The following MEIKIN variants were observed in gnomAD, a reference collection of about 807,000 sequenced individuals.
MEIKIN encodes meiosis-specific kinetochore protein.
chr5:131,825,189 G>A (rs1749591257), intron 11 of MEIKIN, among the ~76,000 whole-genome samples: 2 of 152,232 alleles, frequency 1.3e-5, no homozygotes, highest in East Asian at 3.9e-4. Context: ...GACAGAGTGA[G>A]ACCCTGTCTT....
At chr5:131,935,576 G>A (rs1298836931) in intron 4 of MEIKIN, among the ~76,000 whole-genome samples, 1 of 152,068 alleles carries the variant, frequency 6.6e-6, no homozygotes, top group East Asian at 1.9e-4. Context: ...TGACAAGATA[G>A]AGATCAACAC....
At chr5:131,941,514 C>T (rs1463948902) in intron 4 of MEIKIN, among the ~76,000 whole-genome samples, 1 of 152,108 alleles carries the variant, frequency 6.6e-6, no homozygotes, top group East Asian at 1.9e-4. Context: ...TAGAGTATTT[C>T]CAGGCTACTT....
chr5:131,922,248 T>C (rs1380942197), intron 5 of MEIKIN, among the ~76,000 whole-genome samples: 1 of 152,190 alleles, frequency 6.6e-6, no homozygotes, highest in Non-Finnish European at 1.5e-5. Context: ...CTATGTGCCA[T>C]TAAAAATCGC....
chr5:131,822,764 T>G (rs999312692), intron 11 of MEIKIN, among the ~76,000 whole-genome samples: 16 of 152,198 alleles, frequency 1.1e-4, no homozygotes, highest in Admixed American at 9.2e-4. Flanking sequence ...TGCTTACAGT[T>G]ACCAGTGAGT....
At chr5:131,872,305 G>T (rs1045557841) in intron 9 of MEIKIN, among the ~76,000 whole-genome samples, 1 of 152,188 alleles carries the variant, frequency 6.6e-6, no homozygotes, top group Admixed American at 6.5e-5. Context: ...GTCCTTAAAA[G>T]ACCTGATGGA....
intron 8 of MEIKIN, among the ~76,000 whole-genome samples, chr5:131,904,641 G>T (rs572910655): frequency 6.6e-6 from 1 of 152,220 alleles, no homozygotes; most frequent in African/African-American, 2.4e-5. Flanking sequence ...CCATTATTGG[G>T]TATATACCCA....
intron 5 of MEIKIN, among the ~76,000 whole-genome samples, chr5:131,924,802 A>T: frequency 6.6e-6 from 1 of 151,526 alleles, no homozygotes; most frequent in Non-Finnish European, 1.5e-5. Flanking sequence ...TACTCTGTTG[A>T]TTGTTTCTTT....
chr5:131,885,240 C>T (rs186155293), intron 8 of MEIKIN, among the ~76,000 whole-genome samples: 1 of 152,072 alleles, frequency 6.6e-6, no homozygotes, highest in African/African-American at 2.4e-5. Flanking sequence ...CAGTGCTGTG[C>T]TGGCTTTAGT....
chr5:131,809,898 A>G (rs1368500981), intron 12 of MEIKIN, among the ~76,000 whole-genome samples: 1 of 152,160 alleles, frequency 6.6e-6, no homozygotes, highest in Non-Finnish European at 1.5e-5. Context: ...AAATTAACCT[A>G]ACCTATAGAA....
intron 12 of MEIKIN, among the ~76,000 whole-genome samples, chr5:131,815,635 T>G (rs1360514324): frequency 6.6e-6 from 1 of 152,232 alleles, no homozygotes; most frequent in African/African-American, 2.4e-5. Context: ...GGGCGACTGA[T>G]CCGGACTACC....
intron 11 of MEIKIN, among the ~76,000 whole-genome samples, chr5:131,838,659 T>C (rs10062478): frequency 0.012 from 1,840 of 152,258 alleles, 42 homozygotes; most frequent in African/African-American, 0.04. Context: ...CATAATATTA[T>C]CTCATGGTTA....
chr5:131,820,676 A>G (rs1749482880), intron 11 of MEIKIN, among the ~76,000 whole-genome samples: 1 of 152,182 alleles, frequency 6.6e-6, no homozygotes, highest in Admixed American at 6.5e-5. Flanking sequence ...CTGGGAGACT[A>G]TTATGGCTTC....
intron 12 of MEIKIN, among the ~76,000 whole-genome samples, chr5:131,813,441 T>TTG (rs1773039168): frequency 6.6e-6 from 1 of 151,340 alleles, no homozygotes; most frequent in Non-Finnish European, 1.5e-5. Context: ...TTTTTTTTTT[T>TTG]TTTGAGACAG....
intron 7 of MEIKIN, among the ~76,000 whole-genome samples, chr5:131,913,470 G>C (rs1175641942): frequency 6.6e-5 from 10 of 152,138 alleles, no homozygotes; most frequent in Admixed American, 6.5e-4. Context: ...GACATATGTT[G>C]AACCTTCCAA....
chr5:131,834,559 A>ATATAAGTGAGATC (rs1749769937), intron 11 of MEIKIN, among the ~76,000 whole-genome samples: 1 of 152,190 alleles, frequency 6.6e-6, no homozygotes, highest in Non-Finnish European at 1.5e-5. Flanking sequence ...TATATTCCAC[A>ATATAAGTGAGATC]TATAAGTGAG....
chr5:131,901,237 G>A (rs1751150949), intron 8 of MEIKIN, among the ~76,000 whole-genome samples: 1 of 152,090 alleles, frequency 6.6e-6, no homozygotes, highest in South Asian at 2.1e-4. Flanking sequence ...CACTGCCATT[G>A]GCACAAAACT....
At chr5:131,857,065 T>A (rs1433785719) in intron 9 of MEIKIN, among the ~76,000 whole-genome samples, 1 of 152,056 alleles carries the variant, frequency 6.6e-6, no homozygotes, top group Non-Finnish European at 1.5e-5. Context: ...CATTAACTCA[T>A]CATTTAACAT....
At chr5:131,834,923 C>A (rs954072615) in intron 11 of MEIKIN, among the ~76,000 whole-genome samples, 1 of 151,758 alleles carries the variant, frequency 6.6e-6, no homozygotes, top group African/African-American at 2.4e-5. Context: ...CAGCAGTGTA[C>A]AAGGGTTCCA....
chr5:131,933,864 C>T (rs1751729034), intron 4 of MEIKIN, among the ~76,000 whole-genome samples: 1 of 152,046 alleles, frequency 6.6e-6, no homozygotes, highest in Admixed American at 6.6e-5. Context: ...TTATAATCCC[C>T]TTTTGTTGTT....
Sources: allele counts gnomAD v4.1 joint callset (sites outside exome capture counted in the v4.1 genomes callset), GRCh38; gene constraint gnomAD v4.1.1; transcripts MANE v1.5; gene names NCBI Gene and HGNC (gene_info 2026-07-23, HGNC 2026-07-21).